Variants in N4BP2L2 observed in about 807,000 individuals in gnomAD.
N4BP2L2 encodes the protein NEDD4 binding protein 2 like 2.
A neutral mutation model predicts 56.2 loss-of-function variants in N4BP2L2; 50 were observed. The ratio of observed to expected loss-of-function variants is 0.89; its 90% CI spans 0.71 to 1.13. N4BP2L2 has a LOEUF of 1.13. N4BP2L2 is among the 50% of genes most tolerant of loss of function. The pLI, the probability that N4BP2L2 is intolerant of heterozygous loss-of-function variation, is 0.00. For synonymous variants in N4BP2L2, 203 were observed against 223.6 expected, an observed-to-expected ratio of 0.91 and a Z score of 0.82; for missense variants, 689 against 693.8, an observed-to-expected ratio of 0.99 and a Z score of 0.08.
chr13:32,500,396 A>G (rs899469979), intron 6 of N4BP2L2, among the ~76,000 whole-genome samples: 1 of 152,174 alleles, frequency 6.6e-6, no homozygotes, highest in African/African-American at 2.4e-5. Context: ...GTTTAAAAGT[A>G]GAAAATAAAA....
At chr13:32,531,342 A>G (rs1201588552) in intron 2 of N4BP2L2, among the ~76,000 whole-genome samples, 3 of 152,204 alleles carry the variant, frequency 2.0e-5, no homozygotes, top group East Asian at 1.9e-4. Flanking sequence ...TTTCTCACGT[A>G]AGAAACAAGT....
chr13:32,536,193 C>G (rs1258374458), exon 2 of N4BP2L2: 1 of 1,613,998 alleles, frequency 6.2e-7, no homozygotes, highest in Non-Finnish European at 8.5e-7. Context: ...AGAGGGGGAC[C>G]ATAGGGCACT....
intron 6 of N4BP2L2, among the ~76,000 whole-genome samples, chr13:32,468,966 T>C (rs1031012562): frequency 2.6e-5 from 4 of 152,162 alleles, no homozygotes; most frequent in Non-Finnish European, 5.9e-5. Context: ...CTGGAGCAGA[T>C]AGCTGAGATA....
At chr13:32,466,351 G>A (rs1593604965) in intron 6 of N4BP2L2, among the ~76,000 whole-genome samples, 2 of 152,176 alleles carry the variant, frequency 1.3e-5, no homozygotes. Context: ...CAGATCACTT[G>A]AGGTCAGGAA....
chr13:32,459,303 CAG>C (rs1161721960), intron 6 of N4BP2L2, among the ~76,000 whole-genome samples: 6 of 151,020 alleles, frequency 4.0e-5, no homozygotes, highest in Admixed American at 4.0e-4. Flanking sequence ...AGTAAAAAAA[CAG>C]AGATCAAAAA....
At chr13:32,473,094 A>AAC (rs1181447807) in intron 6 of N4BP2L2, among the ~76,000 whole-genome samples, 2 of 151,992 alleles carry the variant, frequency 1.3e-5, no homozygotes. Flanking sequence ...CAGCCTGGCC[A>AAC]ACATAGTGAA....
intron 6 of N4BP2L2, among the ~76,000 whole-genome samples, chr13:32,495,232 T>C (rs1198354971): frequency 6.6e-6 from 1 of 152,158 alleles, no homozygotes; most frequent in African/African-American, 2.4e-5. Context: ...TTTGTTAAAA[T>C]ACTGAAATTC....
At chr13:32,519,723 ATGT>A (rs1284372739) in intron 5 of N4BP2L2, among the ~76,000 whole-genome samples, 1 of 152,060 alleles carries the variant, frequency 6.6e-6, no homozygotes, top group Non-Finnish European at 1.5e-5. Flanking sequence ...GTCTCAAAAA[ATGT>A]TTTTTAATTT....
downstream of N4BP2L2, chr13:32,509,545 G>A (rs929391083): frequency 6.6e-6 from 1 of 152,054 alleles, no homozygotes; most frequent in African/African-American, 2.4e-5. Context: ...AAAGCTCCTA[G>A]GACACAGTAG....
At chr13:32,475,891 T>TA (rs2083233586) in intron 6 of N4BP2L2, among the ~76,000 whole-genome samples, 1 of 151,664 alleles carries the variant, frequency 6.6e-6, no homozygotes, top group African/African-American at 2.4e-5. Context: ...AGAAGAAAAA[T>TA]ACGGCAAAGG....
downstream of N4BP2L2, chr13:32,508,222 A>G (rs1485207158): frequency 6.6e-6 from 1 of 152,204 alleles, no homozygotes; most frequent in East Asian, 1.9e-4. Context: ...TTGGTTCAAT[A>G]TTATCAGAAG....
chr13:32,493,646 C>G (rs1156327224), intron 6 of N4BP2L2, among the ~76,000 whole-genome samples: 1 of 151,924 alleles, frequency 6.6e-6, no homozygotes, highest in Non-Finnish European at 1.5e-5. Flanking sequence ...AAAGTGGATA[C>G]AAAATCAAGA....
At position 32,446,562 on chromosome 13, in the gene N4BP2L2, C is replaced by T. The variant is rs1566032641; in HGVS notation, c.366-2436G>A. The T allele has an allele frequency of 3.1e-5, 39 of 1,267,148 alleles. 1 individual carries two copies. The highest frequency in any genetic ancestry group is 2.1e-4 in the Admixed American group (9 of 41,910). The allele number at this position is 1,267,148 out of a possible 1,614,324, so 78.5% of individuals were successfully genotyped here. A position where few individuals can be genotyped will look rare whatever the true frequency, so the allele number is the denominator to read the frequency against. On this transcript the variant is annotated intron_variant, in intron 6 of 9. Transcript: ENST00000357505. ...CGATTAAATGGTAAAATACTAATGA[C>T]GTAAGAGACTCACTGCAGCACTGGT...
At chr13:32,454,394 A>C (rs751495429) in intron 6 of N4BP2L2, among the ~76,000 whole-genome samples, 1 of 152,218 alleles carries the variant, frequency 6.6e-6, no homozygotes, top group Non-Finnish European at 1.5e-5. Context: ...CAACAGTTAC[A>C]ACAAGGAGCA....
At chr13:32,503,287 T>A (rs2090358556) in intron 6 of N4BP2L2, among the ~76,000 whole-genome samples, 1 of 152,096 alleles carries the variant, frequency 6.6e-6, no homozygotes, top group African/African-American at 2.4e-5. Context: ...CAGTGTTGCT[T>A]CTTAAAGCTG....
In N4BP2L2 at chr13:32,465,427, T is replaced by A. The variant is rs73447329; in HGVS notation, c.366-21301A>T. Reference sequence around the variant, plus strand: ...CCCCAATATGATTTATAAATCCATATTGATGGACCCACAATGAGAACATAG... The same window carrying A: ...CCCCAATATGATTTATAAATCCATAATGATGGACCCACAATGAGAACATAG... On this transcript the variant is annotated intron_variant, in intron 6 of 9. Transcript: ENST00000357505. Among the ~76,000 whole-genome samples the A allele has an allele frequency of 5.9e-3, 894 of 152,334 alleles. 8 individuals carry two copies. Among genetic ancestry groups the A allele is most frequent in the African/African-American group, 0.02 (847 of 41,556 alleles).
chr13:32,497,415 C>G (rs967128715), intron 6 of N4BP2L2, among the ~76,000 whole-genome samples: 1 of 152,186 alleles, frequency 6.6e-6, no homozygotes, highest in Non-Finnish European at 1.5e-5. Context: ...AACTGATAAC[C>G]TGGACAGCTG....
chr13:32,444,575 A>G (rs1425413490), intron 6 of N4BP2L2, among the ~76,000 whole-genome samples: 1 of 152,198 alleles, frequency 6.6e-6, no homozygotes, highest in Admixed American at 6.5e-5. Context: ...CATACTTTGT[A>G]CTATATTTAA....
At chr13:32,434,898 T>C (rs989256176) in intron 9 of N4BP2L2, among the ~76,000 whole-genome samples, 6 of 152,310 alleles carry the variant, frequency 3.9e-5, no homozygotes, top group Middle Eastern at 6.8e-3. Context: ...TGGGAGATCA[T>C]CATGAAAATC....
Sources: gnomAD v4.1 joint callset for allele counts (sites outside exome capture counted in the v4.1 genomes callset) on GRCh38, gnomAD v4.1.1 for gene constraint, MANE v1.5 for transcripts, NCBI Gene and HGNC (gene_info 2026-07-23, HGNC 2026-07-21) for gene names.